CSMD2: variants seen among roughly 807,000 people sequenced by gnomAD.
CSMD2 encodes the protein CUB and Sushi multiple domains 2.
In CSMD2, 130 loss-of-function variants were observed where a neutral mutation model predicts 398.5. The observed-to-expected ratio is 0.33, with a 90% confidence interval of 0.28 to 0.38. The LOEUF (loss-of-function observed/expected upper bound fraction) is 0.38, where lower values mean the gene tolerates loss of function less well. Ranked by LOEUF, CSMD2 falls within the 10% of genes least tolerant of loss-of-function variation. The pLI, the probability that CSMD2 is intolerant of heterozygous loss-of-function variation, is 1.00. For synonymous variants in CSMD2, 1,828 were observed against 1,908.5 expected, an observed-to-expected ratio of 0.96 and a Z score of 1.10; for missense variants, 3,829 against 4,764.9, an observed-to-expected ratio of 0.80 and a Z score of 5.78.
chr1:34,089,216 T>A, intron 1 of CSMD2, 23 bp from the exon 2 acceptor site: 1 of 1,603,168 alleles, frequency 6.2e-7, no homozygotes, highest in African/African-American at 1.3e-5. Context: ...AATGGAGCAG[T>A]TCAGAATAGC....
rs1381129756 is a variant in CSMD2 at position 33,605,424 on chromosome 1, G to A, written c.6390C>T (p.Gly2130=). ...CGTTGTAGCCAGCTCCCCTCACAAT[G>A]CCATTGGCAAAGGGCTCTGGGTCTG... is the stretch of plus-strand genomic sequence containing the variant. ...ECPDPEPFAN[G]IVRGAGYNVG... The change falls in exon 42 of 71, where the codon GGC becomes GGT. Residue 2130 remains glycine, a synonymous_variant. Transcript: ENST00000373381. 1.2e-6 allele frequency: 2 copies of A among 1,614,200 alleles called. No individual in the cohort carries two copies. Among genetic ancestry groups the A allele is most frequent in the East Asian group, 2.2e-5 (1 of 44,874 alleles).
intron 41 of CSMD2, among the ~76,000 whole-genome samples, chr1:33,607,326 A>T (rs1294076781): frequency 6.6e-6 from 1 of 152,160 alleles, no homozygotes; most frequent in Admixed American, 6.5e-5. Flanking sequence ...CAGTTGGAGG[A>T]ATTTTGAGAA....
At chr1:34,126,054 C>G (rs1662708300) in intron 1 of CSMD2, among the ~76,000 whole-genome samples, 1 of 152,330 alleles carries the variant, frequency 6.6e-6, no homozygotes, top group Admixed American at 6.5e-5. Flanking sequence ...CATGGGAAGG[C>G]CAAGAGTCCG....
chr1:33,902,638 T>C (rs1178351276), intron 5 of CSMD2, among the ~76,000 whole-genome samples: 1 of 152,184 alleles, frequency 6.6e-6, no homozygotes, highest in Non-Finnish European at 1.5e-5. Flanking sequence ...CGGAGATTAA[T>C]GTCCACAAAC....
At chr1:33,809,860 C>T (rs1656656057) in intron 10 of CSMD2, among the ~76,000 whole-genome samples, 1 of 151,884 alleles carries the variant, frequency 6.6e-6, no homozygotes, top group Non-Finnish European at 1.5e-5. Context: ...TTCTAAACAC[C>T]AGCAAGAAAC....
chr1:34,037,970 A>G (rs1021511006), intron 2 of CSMD2, among the ~76,000 whole-genome samples: 2 of 152,164 alleles, frequency 1.3e-5, no homozygotes, highest in Non-Finnish European at 2.9e-5. Context: ...TTCTCTAATC[A>G]GATATTTACC....
chr1:33,751,817 G>C (rs1383452355), intron 13 of CSMD2, among the ~76,000 whole-genome samples: 1 of 151,776 alleles, frequency 6.6e-6, no homozygotes, highest in African/African-American at 2.4e-5. Flanking sequence ...AGTAGAGATA[G>C]GGTTTCACCA....
At chr1:33,674,171 G>T (rs547018767) in intron 25 of CSMD2, among the ~76,000 whole-genome samples, 136 of 151,686 alleles carry the variant, frequency 9.0e-4, no homozygotes, top group African/African-American at 3.2e-3. Flanking sequence ...TGGCAAATTG[G>T]ATAGAGTCAA....
Position 33,841,579 on chromosome 1 carries a change from A to G in CSMD2, c.1033+5305T>C, listed in dbSNP as rs577300523. On this transcript the variant is annotated intron_variant, in intron 6 of 70. Transcript: ENST00000373381. ...TCTCACCATCATTTCCATAGACTTG[A>G]AACATTCCTGGCCTGGAGGCAGACG... Among the ~76,000 whole-genome samples, 3 of 152,296 alleles carry G rather than the reference A, an allele frequency of 2.0e-5. No homozygotes were observed. In the South Asian group the frequency reaches 6.2e-4, roughly 32 times the overall value.
rs1658239880 is a variant in CSMD2 at position 34,089,006 on chromosome 1, A to T, written c.375T>A (p.Gly125=). 1.9e-6 allele frequency: 3 copies of T among 1,613,860 alleles called. No homozygotes were observed. Among genetic ancestry groups the T allele is most frequent in the African/African-American group, 2.7e-5 (2 of 74,926 alleles). The part of the protein sequence containing the change: ...EDFDVLSVFD[G]PPQPENLRTR... ...TACGCAGATTCTCTGGCTGGGGTGGACCATCAAACACCGACAGGACATCAA... is the reference window on the plus strand; with the variant it reads ...TACGCAGATTCTCTGGCTGGGGTGGTCCATCAAACACCGACAGGACATCAA... The change falls in exon 2 of 71, where the codon GGT becomes GGA. Residue 125 remains glycine, a synonymous_variant. Transcript: ENST00000373381.
chr1:34,024,017 C>CA lies in CSMD2; in HGVS notation c.517+8576dup, dbSNP rs200688346. Among the ~76,000 whole-genome samples the CA allele has an allele frequency of 1.8e-4, 28 of 152,166 alleles. 1 individual carries two copies. In the East Asian group the frequency reaches 5.2e-3, roughly 28 times the overall value. ...AGTGGGCATTATAGTTTCTGTTTTG[C>CA]AAAAAAATCATTTCAGGGAGGTTGG... is the stretch of plus-strand genomic sequence containing the variant. On this transcript the variant is annotated intron_variant, in intron 3 of 70. Transcript: ENST00000373381.
chr1:33,574,872 C>T (rs1659922452), intron 49 of CSMD2, among the ~76,000 whole-genome samples: 1 of 152,194 alleles, frequency 6.6e-6, no homozygotes, highest in African/African-American at 2.4e-5. Context: ...AACTACCTGC[C>T]CAGCTTCCTT....
At chr1:33,792,678 T>C (rs1654468263) in intron 10 of CSMD2, 152 bp from the exon 11 acceptor site, 2 of 636,636 alleles carry the variant, frequency 3.1e-6, no homozygotes, top group East Asian at 2.7e-5. Flanking sequence ...TGTCCCACTT[T>C]AATGAGTGTG....
chr1:33,641,040 G>A (rs1643079066), intron 29 of CSMD2, among the ~76,000 whole-genome samples: 1 of 152,010 alleles, frequency 6.6e-6, no homozygotes. Flanking sequence ...CCTCTGAAAC[G>A]CCCCTGGCCC....
chr1:33,698,063 A>G (rs1386393171), intron 24 of CSMD2, among the ~76,000 whole-genome samples: 2 of 152,214 alleles, frequency 1.3e-5, no homozygotes, highest in African/African-American at 2.4e-5. Context: ...GGGAACTCAC[A>G]TTAGCAGGGA....
intron 3 of CSMD2, among the ~76,000 whole-genome samples, chr1:33,998,208 C>T (rs758494759): frequency 1.3e-5 from 2 of 152,080 alleles, no homozygotes; most frequent in African/African-American, 2.4e-5. Context: ...TCAGCTAGCA[C>T]ATTAGAATGC....
At chr1:34,162,078 A>AG (rs1641378414) in intron 1 of CSMD2, among the ~76,000 whole-genome samples, 1 of 151,074 alleles carries the variant, frequency 6.6e-6, no homozygotes, top group Non-Finnish European at 1.5e-5. Context: ...AGGCTGAGGC[A>AG]GGAGAATCAC....
At chr1:33,551,045 C>T (rs543583708) in intron 55 of CSMD2, among the ~76,000 whole-genome samples, 11 of 152,248 alleles carry the variant, frequency 7.2e-5, no homozygotes, top group South Asian at 4.2e-4. Flanking sequence ...CTAGACACTC[C>T]GTGTGTTTGG....
At chr1:33,804,791 G>C (rs1380797451) in intron 10 of CSMD2, 1 of 717,444 alleles carries the variant, frequency 1.4e-6, no homozygotes. Flanking sequence ...AGCATCCATT[G>C]TCCTTGCTGT....
Sources: gnomAD v4.1 joint callset for allele counts (sites outside exome capture counted in the v4.1 genomes callset) on GRCh38, gnomAD v4.1.1 for gene constraint, MANE v1.5 for transcripts, NCBI Gene and HGNC (gene_info 2026-07-23, HGNC 2026-07-21) for gene names.